SNU13: variants seen among roughly 807,000 people sequenced by gnomAD.
The protein encoded by SNU13 is small nuclear ribonucleoprotein 13.
Under a neutral mutation model 12.4 loss-of-function variants are expected in SNU13, and 2 were observed. The observed-to-expected ratio is 0.16, with a 90% CI of 0.07 to 0.51. The LOEUF (loss-of-function observed/expected upper bound fraction) is 0.51. Ranked by LOEUF, SNU13 falls within the 20% of genes least tolerant of loss-of-function variation. The pLI is 0.96. For missense variants in SNU13, 66 were observed against 157.8 expected, an observed-to-expected ratio of 0.42 and a Z score of 3.12; for synonymous variants, 68 against 66.5, an observed-to-expected ratio of 1.02 and a Z score of -0.11.
chr22:41,682,716 T>C (rs1172576355), intron 1 of SNU13: 1 of 457,192 alleles, frequency 2.2e-6, no homozygotes, highest in East Asian at 7.5e-5. Context: ...AGTCTCCCTC[T>C]GTCGCCTAGG....
At chr22:41,682,124 C>T (rs921407595) in intron 1 of SNU13, among the ~76,000 whole-genome samples, 1 of 152,088 alleles carries the variant, frequency 6.6e-6, no homozygotes, top group East Asian at 1.9e-4. Context: ...TACCACCTAA[C>T]CTCGGCCTTG....
intron 1 of SNU13, among the ~76,000 whole-genome samples, chr22:41,686,493 T>C (rs5758415): frequency 0.83 from 124,987 of 150,582 alleles, 52,775 homozygotes; most frequent in African/African-American, 0.95. Context: ...TTAGTAGAGA[T>C]GGGGGTTTCA....
chr22:41,688,766 C>T (rs2068333970), intron 1 of SNU13, 28 bp downstream of exon 1: 2 of 1,598,462 alleles, frequency 1.3e-6, no homozygotes, highest in African/African-American at 1.3e-5. Flanking sequence ...TCCCGCTTCC[C>T]GGTCCCTCGG....
Position 41,674,806 on chromosome 22 carries a change from A to G in SNU13, c.*127T>C. 1.5e-6 allele frequency: 2 copies of G among 1,330,694 alleles called. No individual in the cohort carries two copies. The highest frequency in any genetic ancestry group is 2.0e-6 in the Non-Finnish European group (2 of 978,856). 82.4% of individuals were successfully genotyped at this position (1,330,694 alleles called of 1,614,324 possible). ...AACAAAAACAACACAAAAATCCAGA[A>G]ACCAGATTTAGTACTACATTTTATA... On this transcript the variant is annotated 3_prime_UTR_variant, in exon 3 of 3. Transcript: ENST00000401959.
intron 1 of SNU13, among the ~76,000 whole-genome samples, chr22:41,685,784 G>A (rs1163219211): frequency 6.6e-6 from 1 of 151,000 alleles, no homozygotes; most frequent in Non-Finnish European, 1.5e-5. Flanking sequence ...TGACCAACAC[G>A]GCAAAACCCC....
chr22:41,680,310 T>G lies in SNU13; in HGVS notation c.58A>C (p.Lys20Gln). ...TGCTGAACGAGGTCCAGTAGCTTCT[T>G]GGTGAGGTGGGCATCGGCAAGGGGA... ...AYPLADAHLTKKLLDLVQQSC... is the reference protein window; with the variant it reads ...AYPLADAHLTQKLLDLVQQSC... The change falls in exon 2 of 3, where the codon AAG (lysine) becomes CAG (glutamine). Residue 20 changes from lysine (K) to glutamine (Q), a missense_variant. Physicochemically the swap from Lys to Gln is moderately conservative, Grantham distance 53. Coordinates refer to ENST00000401959, the MANE Select transcript of SNU13 (RefSeq NM_001003796.2). 6.2e-7 allele frequency: 1 copy of G among 1,614,066 alleles called. No individual in the cohort carries two copies. Among genetic ancestry groups the G allele is most frequent in the South Asian group, 1.1e-5 (1 of 91,076 alleles).
rs919896024 is a variant in SNU13, at chr22:41,681,725, T to C, written c.4-1361A>G. On this transcript the variant is annotated intron_variant, in intron 1 of 2. Coordinates refer to ENST00000401959, the MANE Select transcript of SNU13 (RefSeq NM_001003796.2). Reference sequence around the variant, plus strand: ...TTCAGATCTGTGTCAAAATAACCCATGTAGGGGACGAGCGCGGTGTCTCAC... The same window carrying C: ...TTCAGATCTGTGTCAAAATAACCCACGTAGGGGACGAGCGCGGTGTCTCAC... 2.6e-5 allele frequency among the ~76,000 whole-genome samples: 4 copies of C among 152,158 alleles called. No homozygotes were observed. The South Asian group carries it at 8.3e-4, about 31-fold the overall frequency.
At chr22:41,686,901 A>AGT (rs1486177673) in intron 1 of SNU13, among the ~76,000 whole-genome samples, 2 of 151,974 alleles carry the variant, frequency 1.3e-5, no homozygotes, top group African/African-American at 4.8e-5. Flanking sequence ...CTGGGATTAC[A>AGT]GGCGTGAGCC....
intron 1 of SNU13, among the ~76,000 whole-genome samples, chr22:41,681,958 T>G (rs2068267212): frequency 6.6e-6 from 1 of 151,418 alleles, no homozygotes; most frequent in African/African-American, 2.4e-5. Context: ...TCATTCCCAC[T>G]GCTCCAGTAA....
At chr22:41,682,403 A>C (rs751274930) in intron 1 of SNU13, 24 of 1,613,424 alleles carry the variant, frequency 1.5e-5, no homozygotes, top group African/African-American at 2.7e-5. Context: ...CGAGGATACC[A>C]CGCGTGTCGG....
chr22:41,687,945 G>A (rs932912405), intron 1 of SNU13: 27 of 152,200 alleles, frequency 1.8e-4, no homozygotes, highest in African/African-American at 6.3e-4. Flanking sequence ...CAAAATGCAT[G>A]GGAGGAGGTT....
chr22:41,675,224 GGTGAT>G (rs763618912), intron 2 of SNU13, 29 bp from the exon 3 acceptor site: 1 of 1,605,850 alleles, frequency 6.2e-7, no homozygotes, highest in Non-Finnish European at 8.5e-7. Flanking sequence ...GAAGCTAATA[GGTGAT>G]GTGGGCTTGG....
rs1198179173 is a variant in SNU13 at position 41,674,010 on chromosome 22, CAG to C, written c.*921_*922del. On this transcript the variant is annotated 3_prime_UTR_variant, in exon 3 of 3. Coordinates refer to ENST00000401959, the MANE Select transcript of SNU13 (RefSeq NM_001003796.2). ...ATGAACTAGCACTCTCCTCATGTGA[CAG>C]AGAGTACATCTGACCCACATGGTGG... The C allele has an allele frequency of 1.3e-5, 2 of 152,208 alleles. No individual in the cohort carries two copies. The highest frequency in any genetic ancestry group is 2.9e-5 in the Non-Finnish European group (2 of 68,028). 9.4% of individuals were successfully genotyped at this position (152,208 alleles called of 1,614,324 possible).
chr22:41,674,635 T>C lies in SNU13; in HGVS notation c.*298A>G. On this transcript the variant is annotated 3_prime_UTR_variant, in exon 3 of 3. Transcript: ENST00000401959. The stretch of plus-strand genomic sequence containing the variant: ...AGATCTCTGTCCTGGCTCCATCAGC[T>C]TTCTCCTGGCTCTTTCTGCCTTTCA... The C allele has an allele frequency of 2.8e-6, 1 of 362,604 alleles. No homozygotes were observed. The highest frequency in any genetic ancestry group is 5.2e-6 in the Non-Finnish European group (1 of 194,084). The allele number at this position is 362,604 out of a possible 1,614,324, so 22.5% of individuals were successfully genotyped here.
At chr22:41,678,024 A>G (rs1437438704) in intron 2 of SNU13, among the ~76,000 whole-genome samples, 4 of 149,568 alleles carry the variant, frequency 2.7e-5, no homozygotes, top group East Asian at 3.9e-4. Context: ...CGCCCAGGCT[A>G]GAGTGCAGTG....
At chr22:41,676,320 G>A (rs945478632) in intron 2 of SNU13, among the ~76,000 whole-genome samples, 3 of 152,032 alleles carry the variant, frequency 2.0e-5, no homozygotes, top group South Asian at 2.1e-4. Context: ...GGCTCAGTGC[G>A]AATACTCTGC....
upstream of SNU13, chr22:41,688,998 A>C (rs73161345): frequency 0.012 from 15,901 of 1,317,624 alleles, 235 homozygotes; most frequent in Admixed American, 0.063. Context: ...CGAAGAAGGA[A>C]CGTACTTTGG....
rs1220848360 is a variant in SNU13, at chr22:41,688,849, G to C, written c.-53C>G. On this transcript the variant is annotated 5_prime_UTR_variant, in exon 1 of 3. Coordinates refer to ENST00000401959, the MANE Select transcript of SNU13 (RefSeq NM_001003796.2). ...CTAGGGGAGCGCAGCTGACGTTTCA[G>C]AAGCACTCGCGTGCACCGGAAAAAC... The C allele has an allele frequency of 1.3e-6, 2 of 1,555,756 alleles. No homozygotes were observed. The highest frequency in any genetic ancestry group is 1.8e-6 in the Non-Finnish European group (2 of 1,141,288).
chr22:41,676,556 A>T (rs2068216378), intron 2 of SNU13, among the ~76,000 whole-genome samples: 1 of 151,842 alleles, frequency 6.6e-6, no homozygotes, highest in Non-Finnish European at 1.5e-5. Context: ...ATCAAAGAAA[A>T]TATTTTATTC....
Sources: gnomAD v4.1 joint callset for allele counts (sites outside exome capture counted in the v4.1 genomes callset) on GRCh38, gnomAD v4.1.1 for gene constraint, MANE v1.5 for transcripts, NCBI Gene and HGNC (gene_info 2026-07-23, HGNC 2026-07-21) for gene names.